Variants in NAV2 observed in about 807,000 individuals in gnomAD.
NAV2 encodes neuron navigator 2, also known as helicase, APC down-regulated 1.
Under a neutral mutation model 223.2 loss-of-function variants are expected in NAV2, and 54 were observed. The observed-to-expected ratio is 0.24, with a 90% confidence interval of 0.19 to 0.30. NAV2 has a LOEUF of 0.30. Among genes scored for constraint, NAV2 ranks in the 10% least tolerant of loss-of-function variants. The probability of loss-of-function intolerance (pLI) is 1.00; values close to 1 mark genes in which losing one functional copy is unlikely to be tolerated. For synonymous variants in NAV2, 1,279 were observed against 1,239.3 expected, an observed-to-expected ratio of 1.03 and a Z score of -0.67; for missense variants, 2,806 against 3,147.5, an observed-to-expected ratio of 0.89 and a Z score of 2.60.
chr11:19,634,563 G>C (rs775322451), intron 1 of NAV2, among the ~76,000 whole-genome samples: 1 of 152,056 alleles, frequency 6.6e-6, no homozygotes, highest in South Asian at 2.1e-4. Flanking sequence ...TCATTTATTC[G>C]TCCATCCATT....
intron 1 of NAV2, among the ~76,000 whole-genome samples, chr11:19,772,381 G>A (rs1423431826): frequency 6.6e-6 from 1 of 152,204 alleles, no homozygotes; most frequent in Non-Finnish European, 1.5e-5. Context: ...CAGATGAAGA[G>A]GATCAATCAC....
At chr11:19,506,786 A>G (rs1564996106) in intron 1 of NAV2, 1 of 152,300 alleles carries the variant, frequency 6.6e-6, no homozygotes, top group African/African-American at 2.4e-5. Flanking sequence ...AAGGAGCTTC[A>G]TAGTATCTGT....
At chr11:19,600,029 C>A (rs925144949) in intron 1 of NAV2, among the ~76,000 whole-genome samples, 3 of 152,140 alleles carry the variant, frequency 2.0e-5, no homozygotes, top group African/African-American at 7.2e-5. Flanking sequence ...TTCCAGGAAG[C>A]ACTGTGAGGG....
At chr11:20,023,699 GGTGTGTGTGTGTGTGTGT>G (rs374769800) in intron 11 of NAV2, among the ~76,000 whole-genome samples, 4 of 144,680 alleles carry the variant, frequency 2.8e-5, no homozygotes, top group East Asian at 4.1e-4. Flanking sequence ...CAAATTGCTG[GGTGTGTGTGTGTGTGTGT>G]GTGTGTGTGT....
intron 1 of NAV2, among the ~76,000 whole-genome samples, chr11:19,598,636 G>T (rs1850745942): frequency 6.6e-6 from 1 of 152,100 alleles, no homozygotes; most frequent in African/African-American, 2.4e-5. Flanking sequence ...GCCCTCATTT[G>T]CAGATGAGGA....
chr11:19,515,667 A>G (rs1162348568), intron 1 of NAV2, among the ~76,000 whole-genome samples: 1 of 152,236 alleles, frequency 6.6e-6, no homozygotes, highest in Non-Finnish European at 1.5e-5. Context: ...GAAAATTAAG[A>G]GATAAAATAT....
chr11:19,871,798 G>A (rs1166085618), intron 4 of NAV2, among the ~76,000 whole-genome samples: 2 of 152,072 alleles, frequency 1.3e-5, no homozygotes, highest in Admixed American at 6.6e-5. Flanking sequence ...TCTGCTAAGC[G>A]GATGTCCAAT....
intron 7 of NAV2, among the ~76,000 whole-genome samples, chr11:19,935,851 G>GTTTTTTTTTTTTGTTTTTTTTTTTTTT (rs1555156775): frequency 1.9e-4 from 10 of 52,698 alleles, no homozygotes; most frequent in South Asian, 9.3e-4. Flanking sequence ...TTTTGTTTCT[G>GTTTTTTTTTTTTGTTTTTTTTTTTTTT]TTTTTTTTTT....
At chr11:19,700,043 G>A in intron 1 of NAV2, among the ~76,000 whole-genome samples, 1 of 152,182 alleles carries the variant, frequency 6.6e-6, no homozygotes, top group East Asian at 1.9e-4. Context: ...CACACATTCA[G>A]ATATATCCAT....
At position 19,919,770 on chromosome 11, in the gene NAV2, C is replaced by A. The variant is rs553464263; in HGVS notation, c.932-13406C>A. ...TTTGCAGTGTGCTTTCACATCATTGCCCTTTTGCTGCTCATGAGGGAGGAA... is the reference window on the plus strand; with the variant it reads ...TTTGCAGTGTGCTTTCACATCATTGACCTTTTGCTGCTCATGAGGGAGGAA... On this transcript the variant is annotated intron_variant, in intron 6 of 37. Coordinates refer to ENST00000349880, the MANE Select transcript of NAV2 (RefSeq NM_145117.5). Among the ~76,000 whole-genome samples, 10 of 152,294 alleles carry A rather than the reference C, an allele frequency of 6.6e-5. No individual in the cohort carries two copies. In the East Asian group the frequency reaches 1.9e-3, roughly 29 times the overall value.
rs1017538677 is a variant in NAV2, at chr11:20,044,341, C to T, written c.3199+69C>T. The T allele has an allele frequency of 2.9e-6, 4 of 1,368,166 alleles. No individual in the cohort carries two copies. In the African/African-American group the frequency reaches 4.3e-5, roughly 15 times the overall value. 84.8% of individuals were successfully genotyped at this position (1,368,166 alleles called of 1,614,324 possible). On this transcript the variant is annotated intron_variant, in intron 13 of 37. Coordinates refer to ENST00000349880, the MANE Select transcript of NAV2 (RefSeq NM_145117.5). The stretch of plus-strand genomic sequence containing the variant: ...AAACCAAAGCCATAGTTAACTCTAG[C>T]AAGGACTTGACATTATATATTTTGT...
chr11:20,105,309 C>G (rs924197859), intron 34 of NAV2: 1 of 437,692 alleles, frequency 2.3e-6, no homozygotes, highest in Non-Finnish European at 4.0e-6. Flanking sequence ...GCATTTCTGT[C>G]CGTAAAACGG....
intron 10 of NAV2, among the ~76,000 whole-genome samples, chr11:19,976,298 C>T (rs1458500753): frequency 2.0e-5 from 3 of 152,090 alleles, no homozygotes; most frequent in Non-Finnish European, 2.9e-5. Flanking sequence ...CTCCATGGCC[C>T]GTATTTCAAG....
At position 19,874,335 on chromosome 11, in the gene NAV2, G is replaced by A. The variant is rs529855356; in HGVS notation, c.511+5338G>A. Among the ~76,000 whole-genome samples, 8 of 152,320 alleles carry A rather than the reference G, an allele frequency of 5.3e-5. No homozygotes were observed. The South Asian group carries it at 1.7e-3, about 32-fold the overall frequency. On this transcript the variant is annotated intron_variant, in intron 4 of 37. Transcript: ENST00000349880. ...AATTTGCTTTTCTGTTGCCACAAGA[G>A]TGGCCACAGGAAGAGAAAGAACAGG... is the stretch of plus-strand genomic sequence containing the variant.
intron 1 of NAV2, among the ~76,000 whole-genome samples, chr11:19,410,158 G>A (rs191534220): frequency 6.6e-6 from 1 of 152,154 alleles, no homozygotes; most frequent in Non-Finnish European, 1.5e-5. Flanking sequence ...GAGTAATGGG[G>A]ACCTTTCTGA....
chr11:19,376,877 G>A (rs1438274273), intron 1 of NAV2, among the ~76,000 whole-genome samples: 1 of 152,204 alleles, frequency 6.6e-6, no homozygotes, highest in Admixed American at 6.5e-5. Flanking sequence ...TAACAAGCAT[G>A]TATTTCCCTG....
chr11:19,573,445 A>G (rs1487200), intron 1 of NAV2, among the ~76,000 whole-genome samples: 5,600 of 152,270 alleles, frequency 0.037, 231 homozygotes, highest in East Asian at 0.18. Context: ...CCAAGCACAT[A>G]GTATGGACTC....
chr11:20,032,831 C>A (rs1363452463), intron 11 of NAV2, among the ~76,000 whole-genome samples: 1 of 152,160 alleles, frequency 6.6e-6, no homozygotes, highest in Non-Finnish European at 1.5e-5. Context: ...TGCCTCTGCA[C>A]ATTGAGTTTG....
chr11:19,802,432 T>A (rs2058325864), intron 1 of NAV2, among the ~76,000 whole-genome samples: 1 of 152,196 alleles, frequency 6.6e-6, no homozygotes, highest in Non-Finnish European at 1.5e-5. Context: ...AGCAACTTTA[T>A]GTGATTGCTG....
Sources: allele counts gnomAD v4.1 joint callset (sites outside exome capture counted in the v4.1 genomes callset), GRCh38; gene constraint gnomAD v4.1.1; transcripts MANE v1.5; gene names NCBI Gene and HGNC (gene_info 2026-07-23, HGNC 2026-07-21).